ACYP2: variants seen among roughly 807,000 people sequenced by gnomAD.
ACYP2 encodes the protein acylphosphatase-2.
ACYP2 carries 12 observed loss-of-function variants against 11.2 expected under a neutral mutation model. The ratio of observed to expected loss-of-function variants is 1.08; its 90% CI spans 0.69 to 1.74. ACYP2 has a LOEUF of 1.74. Among genes scored for constraint, ACYP2 ranks in the 40% most tolerant of loss-of-function variants. The pLI, the probability that ACYP2 is intolerant of heterozygous loss-of-function variation, is 0.00. For missense variants in ACYP2, 134 were observed against 101.9 expected (o/e 1.31, Z -1.35); for synonymous variants, 43 against 32.2 (o/e 1.33, Z -1.13).
At chr2:54,081,309 T>A (rs1266410006) in intron 4 of ACYP2, among the ~76,000 whole-genome samples, 2 of 152,190 alleles carry the variant, frequency 1.3e-5, no homozygotes, top group Non-Finnish European at 2.9e-5. Flanking sequence ...GGCAGTATTA[T>A]CAAGTACAGT....
chr2:54,221,520 CTTTT>C (rs548466074), intron 6 of ACYP2, among the ~76,000 whole-genome samples: 7 of 127,288 alleles, frequency 5.5e-5, no homozygotes, highest in Admixed American at 8.2e-5. Flanking sequence ...GAATAAAATT[CTTTT>C]TTTTTTTTTT....
At chr2:54,228,865 T>C (rs1000368230) in intron 6 of ACYP2, among the ~76,000 whole-genome samples, 1 of 152,068 alleles carries the variant, frequency 6.6e-6, no homozygotes, top group African/African-American at 2.4e-5. Flanking sequence ...CAGTAGAAAC[T>C]GGGATACAGG....
intron 3 of ACYP2, among the ~76,000 whole-genome samples, chr2:54,052,048 A>G (rs1308419103): frequency 2.3e-5 from 2 of 86,796 alleles, no homozygotes; most frequent in African/African-American, 1.8e-4. Context: ...CTCTGTCTCA[A>G]TAAATAAATA....
At chr2:53,974,147 C>G (rs1671344713) in intron 2 of ACYP2, among the ~76,000 whole-genome samples, 1 of 151,786 alleles carries the variant, frequency 6.6e-6, no homozygotes, top group Non-Finnish European at 1.5e-5. Context: ...AACTCCTGAC[C>G]TCGTGATCCG....
At chr2:54,187,927 C>T (rs1684076889) in intron 6 of ACYP2, among the ~76,000 whole-genome samples, 1 of 152,168 alleles carries the variant, frequency 6.6e-6, no homozygotes, top group South Asian at 2.1e-4. Flanking sequence ...GGAATGGGCT[C>T]TACGTTTCTT....
chr2:54,071,257 A>G (rs1005456738), intron 4 of ACYP2, among the ~76,000 whole-genome samples: 1 of 152,304 alleles, frequency 6.6e-6, no homozygotes. Flanking sequence ...CACGGCTTCT[A>G]TTCAACACTG....
rs369586806 is a variant in ACYP2, at chr2:54,284,832, G to A, written c.405-19856G>A. Among the ~76,000 whole-genome samples the A allele has an allele frequency of 1.1e-4, 17 of 152,230 alleles. No homozygotes were observed. The South Asian group carries it at 1.9e-3, about 17-fold the overall frequency. On this transcript the variant is annotated intron_variant, in intron 6 of 6. Coordinates refer to ENST00000607452, the MANE Select transcript of ACYP2 (RefSeq NM_001320586.2). ...AACTAGTGTCCTTGACTTTGAACTT[G>A]CCAAATCCAGTGATCAGTTCTTTGG...
chr2:54,144,680 A>AC, intron 6 of ACYP2, among the ~76,000 whole-genome samples: 1 of 152,008 alleles, frequency 6.6e-6, no homozygotes, highest in East Asian at 1.9e-4. Flanking sequence ...TCTCAAAAAA[A>AC]AAAAAAAAAA....
intron 6 of ACYP2, among the ~76,000 whole-genome samples, chr2:54,249,434 C>CAA (rs55649227): frequency 0.04 from 3,768 of 94,574 alleles, 78 homozygotes; most frequent in African/African-American, 0.044. Context: ...GACTCCGTCT[C>CAA]AAAAAAAAAA....
chr2:54,271,526 T>A (rs768723132), intron 6 of ACYP2, among the ~76,000 whole-genome samples: 8 of 152,132 alleles, frequency 5.3e-5, no homozygotes, highest in Non-Finnish European at 1.2e-4. Context: ...TCATTTTCCA[T>A]ACCCCTGTGA....
At chr2:54,145,243 A>T (rs1478984277) in intron 6 of ACYP2, among the ~76,000 whole-genome samples, 2 of 152,180 alleles carry the variant, frequency 1.3e-5, no homozygotes, top group African/African-American at 2.4e-5. Context: ...TACTTAAAAA[A>T]TTTTGTTAAA....
chr2:53,981,801 C>A (rs7559651), intron 2 of ACYP2, among the ~76,000 whole-genome samples: 15,015 of 152,100 alleles, frequency 0.099, 1,031 homozygotes, highest in African/African-American at 0.19. Context: ...GACACATAAT[C>A]CAGGTTTGTG....
chr2:54,161,072 G>A (rs912008930), intron 6 of ACYP2, among the ~76,000 whole-genome samples: 3 of 152,132 alleles, frequency 2.0e-5, no homozygotes, highest in African/African-American at 4.8e-5. Context: ...TACTGAATCC[G>A]GAGCCCAGGG....
intron 6 of ACYP2, among the ~76,000 whole-genome samples, chr2:54,152,416 G>A (rs1028939884): frequency 6.6e-6 from 1 of 152,102 alleles, no homozygotes; most frequent in Non-Finnish European, 1.5e-5. Context: ...GAGCCACTGT[G>A]CCTGTCCAGA....
intron 6 of ACYP2, chr2:54,254,628 A>G (rs750137989): frequency 2.2e-5 from 7 of 313,142 alleles, no homozygotes; most frequent in Non-Finnish European, 4.1e-5. Flanking sequence ...GAGTCCAAAC[A>G]AAGGTAAATA....
At chr2:54,059,373 C>A (rs1209761363) in intron 4 of ACYP2, among the ~76,000 whole-genome samples, 1 of 152,038 alleles carries the variant, frequency 6.6e-6, no homozygotes, top group African/African-American at 2.4e-5. Flanking sequence ...CGCCTGCAAC[C>A]ATGCCTGGCT....
At chr2:54,130,875 T>C (rs957857970) in intron 4 of ACYP2, among the ~76,000 whole-genome samples, 4 of 152,222 alleles carry the variant, frequency 2.6e-5, no homozygotes, top group Non-Finnish European at 5.9e-5. Context: ...CATTGAAGTC[T>C]CAGCTCTAAG....
intron 4 of ACYP2, among the ~76,000 whole-genome samples, chr2:54,118,995 G>A (rs2103736164): frequency 6.9e-6 from 1 of 144,264 alleles, no homozygotes; most frequent in South Asian, 2.3e-4. Flanking sequence ...GCGTGGGGAA[G>A]TAACTTCTTT....
At chr2:53,991,445 G>T (rs375925521) in intron 2 of ACYP2, among the ~76,000 whole-genome samples, 2 of 145,690 alleles carry the variant, frequency 1.4e-5, no homozygotes, top group African/African-American at 5.1e-5. Flanking sequence ...TCACTCTTTC[G>T]CCCAGGTTGG....
Sources: gnomAD v4.1 joint callset for allele counts (sites outside exome capture counted in the v4.1 genomes callset) on GRCh38, gnomAD v4.1.1 for gene constraint, MANE v1.5 for transcripts, NCBI Gene and HGNC (gene_info 2026-07-23, HGNC 2026-07-21) for gene names.